PRH1: variants seen among roughly 807,000 people sequenced by gnomAD.
The protein encoded by PRH1 is proline rich protein HaeIII subfamily 1.
PRH1 carries 7 observed loss-of-function variants against 7.9 expected under a neutral mutation model. The ratio of observed to expected loss-of-function variants is 0.89; its 90% CI spans 0.50 to 1.67. PRH1 has a LOEUF of 1.67. Among genes scored for constraint, PRH1 ranks in the 40% most tolerant of loss-of-function variants. The pLI, the probability that PRH1 is intolerant of heterozygous loss-of-function variation, is 0.00. For missense variants in PRH1, 109 were observed against 223.6 expected (o/e 0.49, Z 3.27); for synonymous variants, 45 against 80.8 (o/e 0.56, Z 2.38).
intron 2 of PRH1, among the ~76,000 whole-genome samples, chr12:10,960,528 C>T (rs573487716): frequency 6.6e-6 from 1 of 152,162 alleles, no homozygotes; most frequent in South Asian, 2.1e-4. Flanking sequence ...AAATCTACAC[C>T]CTTTGTGAGA....
chr12:11,020,415 CATAG>C (rs1941558816), intron 1 of PRH1, among the ~76,000 whole-genome samples: 3 of 24,168 alleles, frequency 1.2e-4, no homozygotes, highest in African/African-American at 2.6e-4. Context: ...GATATAGATA[CATAG>C]ATATATATAT....
chr12:10,985,960 C>G, intron 1 of PRH1: 6 of 1,604,146 alleles, frequency 3.7e-6, no homozygotes, highest in Non-Finnish European at 5.1e-6. Flanking sequence ...AGGTCTTTTA[C>G]TCAGCACCTA....
At chr12:10,995,153 T>C (rs920851008) in intron 1 of PRH1, among the ~76,000 whole-genome samples, 11 of 152,182 alleles carry the variant, frequency 7.2e-5, no homozygotes, top group Admixed American at 5.9e-4. Flanking sequence ...TACATTTTCA[T>C]TGGTTCACCA....
intron 1 of PRH1, among the ~76,000 whole-genome samples, chr12:10,984,164 A>T (rs942603725): frequency 6.6e-6 from 1 of 152,172 alleles, no homozygotes; most frequent in African/African-American, 2.4e-5. Context: ...TATCATTCAC[A>T]ACTGAAAAAT....
chr12:10,962,874 A>G (rs1938311327), intron 2 of PRH1, among the ~76,000 whole-genome samples: 1 of 152,138 alleles, frequency 6.6e-6, no homozygotes, highest in Admixed American at 6.5e-5. Flanking sequence ...GGTTCATGCC[A>G]TTCTCCTGCC....
In PRH1 at chr12:11,147,060, A is replaced by AT. The variant is rs544961677; in HGVS notation, n.39+24361dup. Among the ~76,000 whole-genome samples the AT allele has an allele frequency of 3.1e-4, 47 of 152,214 alleles. No individual in the cohort carries two copies. In the East Asian group the frequency reaches 8.9e-3, roughly 29 times the overall value. ...TCCGAACTGTTAATTTTCTATATGT[A>AT]TTTTTCAAGTCATTTTTCACAATTT... is the stretch of plus-strand genomic sequence containing the variant. On this transcript the variant is annotated intron_variant and non_coding_transcript_variant, in intron 1 of 1. Coordinates refer to the PRH1 transcript ENST00000541175.
chr12:11,011,960 T>C (rs376836808), intron 1 of PRH1, among the ~76,000 whole-genome samples: 3 of 152,168 alleles, frequency 2.0e-5, no homozygotes, highest in Non-Finnish European at 4.4e-5. Flanking sequence ...TTCCCAATCA[T>C]GTTTTCAGCC....
chr12:11,111,010 C>A (rs1362445940), intron 1 of PRH1, among the ~76,000 whole-genome samples: 1 of 152,082 alleles, frequency 6.6e-6, no homozygotes, highest in East Asian at 1.9e-4. Flanking sequence ...ATCCTAGACT[C>A]TGATAAAACA....
At chr12:10,943,371 C>T (rs1018209413) in intron 2 of PRH1, among the ~76,000 whole-genome samples, 6 of 152,074 alleles carry the variant, frequency 3.9e-5, no homozygotes, top group South Asian at 2.1e-4. Context: ...GTCACATGTA[C>T]GTCTTCTTTT....
chr12:10,999,374 A>G (rs1326788085), intron 1 of PRH1, among the ~76,000 whole-genome samples: 2 of 152,132 alleles, frequency 1.3e-5, no homozygotes. Flanking sequence ...AAATTTCTCC[A>G]TTTTGCAACT....
chr12:11,087,398 T>A (rs1304183266), intron 1 of PRH1, among the ~76,000 whole-genome samples: 1 of 108,988 alleles, frequency 9.2e-6, no homozygotes, highest in Non-Finnish European at 2.2e-5. Context: ...CCAGCCTGCA[T>A]TGAGAGTTTC....
intron 2 of PRH1, among the ~76,000 whole-genome samples, chr12:10,950,621 T>C (rs1402463522): frequency 6.6e-6 from 1 of 151,938 alleles, no homozygotes; most frequent in African/African-American, 2.4e-5. Flanking sequence ...AAATTCTCTT[T>C]TGTTATCAGC....
At chr12:11,070,479 A>G (rs1944018029) in intron 1 of PRH1, among the ~76,000 whole-genome samples, 1 of 151,710 alleles carries the variant, frequency 6.6e-6, no homozygotes, top group Non-Finnish European at 1.5e-5. Flanking sequence ...CAAAGATCTA[A>G]CACTGCACTT....
intron 1 of PRH1, chr12:11,022,379 G>T: frequency 2.5e-6 from 4 of 1,605,510 alleles, no homozygotes; most frequent in Non-Finnish European, 3.4e-6. Flanking sequence ...GCATACCAAA[G>T]GAATAACATG....
At chr12:10,882,883 T>C (rs10845228) in intron 2 of PRH1, among the ~76,000 whole-genome samples, 178 bp downstream of exon 2, 76,309 of 151,944 alleles carry the variant, frequency 0.5, 21,460 homozygotes, top group East Asian at 0.73. Flanking sequence ...GATGAAAAAT[T>C]GAATTTCTTT....
In PRH1 at chr12:10,982,686, G is replaced by A. The variant is rs113978113; in HGVS notation, c.-125-8965C>T. On this transcript the variant is annotated intron_variant, in intron 1 of 3. Transcript: ENST00000539853. ...ATAAAGTGGTACCCATAAGCAGGAAGTGGCAAGTTCCTTAAGTATAGTAAA... is the reference window on the plus strand; with the variant it reads ...ATAAAGTGGTACCCATAAGCAGGAAATGGCAAGTTCCTTAAGTATAGTAAA... Among the ~76,000 whole-genome samples, 691 of 152,286 alleles carry A rather than the reference G, an allele frequency of 4.5e-3. 5 individuals carry two copies. The highest frequency in any genetic ancestry group is 0.016 in the African/African-American group (660 of 41,560).
chr12:11,171,133 T>C (rs934825682), intron 1 of PRH1: 3 of 393,114 alleles, frequency 7.6e-6, no homozygotes, highest in Middle Eastern at 6.3e-4. Context: ...AGTTGAGCTC[T>C]AAATGGTAAA....
intron 1 of PRH1, among the ~76,000 whole-genome samples, chr12:11,020,592 T>A (rs1941570927): frequency 3.9e-5 from 6 of 151,988 alleles, no homozygotes; most frequent in African/African-American, 1.4e-4. Flanking sequence ...CTGTGTAATT[T>A]CACCATTTAC....
intron 2 of PRH1, among the ~76,000 whole-genome samples, chr12:10,901,047 A>G (rs1464123856): frequency 6.6e-6 from 1 of 152,118 alleles, no homozygotes; most frequent in Non-Finnish European, 1.5e-5. Context: ...TGATGCAGGG[A>G]GGTCCTCTCT....
Sources: gnomAD v4.1 joint callset for allele counts (sites outside exome capture counted in the v4.1 genomes callset) on GRCh38, gnomAD v4.1.1 for gene constraint, MANE v1.5 for transcripts, NCBI Gene and HGNC (gene_info 2026-07-23, HGNC 2026-07-21) for gene names.